IGSF21: variants seen among roughly 807,000 people sequenced by gnomAD.
IGSF21 encodes immunoglobin superfamily member 21.
A neutral mutation model predicts 46.8 loss-of-function variants in IGSF21; 28 were observed. The observed-to-expected ratio is 0.60, with a 90% confidence interval of 0.44 to 0.82. IGSF21 has a LOEUF of 0.82. Among genes scored for constraint, IGSF21 ranks in the 40% least tolerant of loss-of-function variants. The pLI, the probability that IGSF21 is intolerant of heterozygous loss-of-function variation, is 0.00. For synonymous variants in IGSF21, 284 were observed against 273.6 expected (o/e 1.04, Z -0.38); for missense variants, 624 against 665.5 (o/e 0.94, Z 0.69).
chr1:18,278,899 G>T (rs769614077), intron 2 of IGSF21: 21 of 471,560 alleles, frequency 4.5e-5, no homozygotes, highest in Middle Eastern at 3.2e-4. Context: ...TGGGTATATG[G>T]GTGTTTGCCT....
rs148298787 is a variant in IGSF21, at chr1:18,359,175, G to A, written c.425-2940G>A. On this transcript the variant is annotated intron_variant, in intron 4 of 9. Coordinates refer to ENST00000251296, the MANE Select transcript of IGSF21 (RefSeq NM_032880.5). ...TGTGGTCCCAGCTACTTGAGAGGCCGAGGCAGGACAATTGATCACTTGAGC... is the reference window on the plus strand; with the variant it reads ...TGTGGTCCCAGCTACTTGAGAGGCCAAGGCAGGACAATTGATCACTTGAGC... Among the ~76,000 whole-genome samples, 651 of 151,636 alleles carry A rather than the reference G, an allele frequency of 4.3e-3. 15 individuals carry two copies. In the South Asian group the frequency reaches 0.058, roughly 14 times the overall value.
chr1:18,298,371 G>A (rs911730364), intron 3 of IGSF21, among the ~76,000 whole-genome samples: 5 of 152,184 alleles, frequency 3.3e-5, no homozygotes, highest in Admixed American at 2.0e-4. Flanking sequence ...TTGAGGTAGC[G>A]TGTCCTGAAG....
intron 4 of IGSF21, among the ~76,000 whole-genome samples, chr1:18,336,568 G>A (rs572874521): frequency 5.3e-5 from 8 of 152,170 alleles, no homozygotes; most frequent in Non-Finnish European, 7.3e-5. Context: ...CAGCTCTGTC[G>A]CATTGCTGGA....
Position 18,362,222 on chromosome 1 carries a change from G to A in IGSF21, c.532G>A (p.Ala178Thr). 6 of 1,610,844 alleles carry A rather than the reference G, an allele frequency of 3.7e-6. No individual in the cohort carries two copies. The highest frequency in any genetic ancestry group is 1.1e-5 in the South Asian group (1 of 90,102). Residue 178 changes from alanine to threonine, a missense_variant, in exon 5 of 10, where the codon GCA (alanine) becomes ACA (threonine). By Grantham distance (58) the Ala-to-Thr change is moderately conservative (BLOSUM62 0). Coordinates refer to ENST00000251296, the MANE Select transcript of IGSF21 (RefSeq NM_032880.5). ...LVCIVSGGKP[A>T]PMVYFKRDGE... ...CTGCATCGTGTCTGGAGGAAAACCA[G>A]CACCCATGGTGAGTACCCCTGGAGT...
At chr1:18,303,773 CAG>C (rs891672464) in intron 3 of IGSF21, among the ~76,000 whole-genome samples, 1 of 152,116 alleles carries the variant, frequency 6.6e-6, no homozygotes, top group African/African-American at 2.4e-5. Flanking sequence ...GCTAGCAACA[CAG>C]AGAGAGGTGG....
At chr1:18,191,403 G>T in intron 1 of IGSF21, among the ~76,000 whole-genome samples, 1 of 152,170 alleles carries the variant, frequency 6.6e-6, no homozygotes, top group Admixed American at 6.5e-5. Context: ...CACACCTAGA[G>T]GAATGGCTTT....
chr1:18,244,462 T>C (rs903525649), intron 2 of IGSF21, among the ~76,000 whole-genome samples: 4 of 152,206 alleles, frequency 2.6e-5, no homozygotes, highest in East Asian at 1.9e-4. Flanking sequence ...TCTCTGTGTC[T>C]GAAAGCTCGT....
chr1:18,328,618 GAGA>G lies in IGSF21; in HGVS notation c.306-6269_306-6267del, dbSNP rs372672209. Among the ~76,000 whole-genome samples the G allele has an allele frequency of 1.1e-4, 16 of 152,310 alleles. No individual in the cohort carries two copies. The East Asian group carries it at 2.9e-3, about 28-fold the overall frequency. ...AATTTTCATCAATTAACAGTGTAAG[GAGA>G]AGAATATGACAAGCACTCCCAGCAT... On this transcript the variant is annotated intron_variant, in intron 3 of 9. Transcript: ENST00000251296.
chr1:18,308,293 G>C (rs370614481), intron 3 of IGSF21, among the ~76,000 whole-genome samples: 10 of 152,278 alleles, frequency 6.6e-5, no homozygotes, highest in African/African-American at 2.2e-4. Flanking sequence ...GCCTTTCCAA[G>C]TGCAGCCCAT....
chr1:18,135,798 A>G (rs1229296994), intron 1 of IGSF21, among the ~76,000 whole-genome samples: 2 of 152,190 alleles, frequency 1.3e-5, no homozygotes, highest in African/African-American at 4.8e-5. Context: ...GGCTGGGTCA[A>G]ATGGCATTTC....
chr1:18,158,551 A>T (rs1243675548), intron 1 of IGSF21, among the ~76,000 whole-genome samples: 2 of 152,096 alleles, frequency 1.3e-5, no homozygotes, highest in African/African-American at 2.4e-5. Context: ...GCGTCGGGGA[A>T]CAGTGCCTCC....
intron 6 of IGSF21, among the ~76,000 whole-genome samples, chr1:18,371,889 C>G (rs1029954639): frequency 6.6e-6 from 1 of 152,320 alleles, no homozygotes; most frequent in Non-Finnish European, 1.5e-5. Flanking sequence ...CTGAATCGCC[C>G]ACAAGGTAGG....
At chr1:18,325,627 C>T (rs2085649705) in intron 3 of IGSF21, among the ~76,000 whole-genome samples, 1 of 152,140 alleles carries the variant, frequency 6.6e-6, no homozygotes, top group African/African-American at 2.4e-5. Flanking sequence ...CAACTGTAGG[C>T]TCACCATAAT....
chr1:18,320,773 C>G (rs529436653), intron 3 of IGSF21, among the ~76,000 whole-genome samples: 2 of 152,314 alleles, frequency 1.3e-5, no homozygotes, highest in East Asian at 3.9e-4. Context: ...AGCTGCGTGA[C>G]CTCAGACAAA....
chr1:18,281,653 G>A (rs929749708), intron 2 of IGSF21, among the ~76,000 whole-genome samples: 1 of 151,782 alleles, frequency 6.6e-6, no homozygotes, highest in African/African-American at 2.4e-5. Flanking sequence ...ACTCCTTCCA[G>A]AACACAAGAG....
At chr1:18,301,388 G>T (rs1261544411) in intron 3 of IGSF21, among the ~76,000 whole-genome samples, 1 of 152,186 alleles carries the variant, frequency 6.6e-6, no homozygotes, top group East Asian at 1.9e-4. Flanking sequence ...CGCCCAGGCT[G>T]GAGTGCACTG....
chr1:18,365,003 G>C lies in IGSF21; in HGVS notation c.541-220G>C, dbSNP rs553817608. Reference sequence around the variant, plus strand: ...ATCAGTTGGTAAATGATGGGATTGGGCTAAGCCTCTGCCCCAAGGGCCTGC... The same window carrying C: ...ATCAGTTGGTAAATGATGGGATTGGCCTAAGCCTCTGCCCCAAGGGCCTGC... On this transcript the variant is annotated intron_variant, in intron 5 of 9. Coordinates refer to ENST00000251296, the MANE Select transcript of IGSF21 (RefSeq NM_032880.5). The surrounding 1 kb of genome is among the most constrained non-coding windows in gnomAD (Gnocchi z 4.8). Among the ~76,000 whole-genome samples the C allele has an allele frequency of 2.6e-5, 4 of 152,246 alleles. No homozygotes were observed. Among genetic ancestry groups the C allele is most frequent in the Admixed American group, 1.3e-4 (2 of 15,306 alleles).
intron 3 of IGSF21, among the ~76,000 whole-genome samples, chr1:18,301,345 T>A (rs948981384): frequency 1.3e-5 from 2 of 152,142 alleles, no homozygotes; most frequent in South Asian, 4.1e-4. Flanking sequence ...TGTTTGTTTG[T>A]TTGTTTGTTT....
chr1:18,125,502 C>G (rs891479434), intron 1 of IGSF21, among the ~76,000 whole-genome samples: 1 of 152,204 alleles, frequency 6.6e-6, no homozygotes, highest in African/African-American at 2.4e-5. Flanking sequence ...ACATCAAGAA[C>G]TCTGAATGAA....
Sources: allele counts gnomAD v4.1 joint callset (sites outside exome capture counted in the v4.1 genomes callset), GRCh38; gene constraint gnomAD v4.1.1; non-coding constraint Gnocchi (gnomAD v3.1); transcripts MANE v1.5; gene names NCBI Gene and HGNC (gene_info 2026-07-23, HGNC 2026-07-21).